SORBS2: variants seen among roughly 807,000 people sequenced by gnomAD.
SORBS2 encodes sorbin and SH3 domain containing 2, also known as sorbin and SH3 domain-containing protein 2.
SORBS2 carries 46 observed loss-of-function variants against 97.7 expected under a neutral mutation model. The ratio of observed to expected loss-of-function variants is 0.47; its 90% CI spans 0.37 to 0.60. The LOEUF (loss-of-function observed/expected upper bound fraction) is 0.60, where lower values mean the gene tolerates loss of function less well. SORBS2 is among the 20% of genes least tolerant of loss of function. The pLI, the probability that SORBS2 is intolerant of heterozygous loss-of-function variation, is 0.00. For missense variants in SORBS2, 1,316 were observed against 1,282.3 expected, an observed-to-expected ratio of 1.03 and a Z score of -0.40; for synonymous variants, 476 against 473.4, an observed-to-expected ratio of 1.01 and a Z score of -0.07.
At chr4:185,646,260 A>T (rs1356024875) in intron 4 of SORBS2, 1 of 153,912 alleles carries the variant, frequency 6.5e-6, no homozygotes, top group Non-Finnish European at 1.4e-5. Flanking sequence ...GATAGCAATT[A>T]AGTATTGCAC....
chr4:185,712,935 C>A (rs1160761736), intron 2 of SORBS2, among the ~76,000 whole-genome samples: 15 of 152,208 alleles, frequency 9.9e-5, no homozygotes, highest in Admixed American at 9.8e-4. Flanking sequence ...CCACCTAACA[C>A]CTTAGTCTAG....
intron 2 of SORBS2, chr4:185,771,746 C>T (rs1377122029): frequency 6.6e-6 from 1 of 152,138 alleles, no homozygotes; most frequent in Non-Finnish European, 1.5e-5. Context: ...CAAAGATAGC[C>T]TAAATCTTTA....
chr4:185,835,773 CAT>C (rs1422237554), intron 1 of SORBS2, among the ~76,000 whole-genome samples: 2 of 150,896 alleles, frequency 1.3e-5, no homozygotes, highest in Non-Finnish European at 2.9e-5. Context: ...AGCCAACACT[CAT>C]AGTTTTGAAA....
chr4:185,589,718 T>C lies in SORBS2; in HGVS notation c.2914A>G (p.Ile972Val), dbSNP rs978285060. 2.5e-6 allele frequency: 4 copies of C among 1,612,892 alleles called. No homozygotes were observed. The South Asian group carries it at 3.3e-5, about 13-fold the overall frequency. Residue 972 changes from isoleucine (I) to valine (V), a missense_variant, in exon 14 of 15, where the codon ATT (isoleucine) becomes GTT (valine). Ile to Val is a conservative substitution (Grantham distance 29, BLOSUM62 3). Transcript: ENST00000418609. ...TCATCACACTTTTCCATGACATCAA[T>C]GACATCACTTTCTCTGAGCTCCAGC...
At chr4:185,602,992 C>G (rs2096301227) in intron 12 of SORBS2, among the ~76,000 whole-genome samples, 1 of 152,196 alleles carries the variant, frequency 6.6e-6, no homozygotes. Flanking sequence ...TCAGAAGTAT[C>G]TCATGTGGTC....
At chr4:185,830,087 C>T (rs1195395387) in intron 1 of SORBS2, among the ~76,000 whole-genome samples, 2 of 152,130 alleles carry the variant, frequency 1.3e-5, no homozygotes, top group Non-Finnish European at 2.9e-5. Flanking sequence ...CAGTTGTAAT[C>T]GCATGCCATT....
chr4:185,776,398 A>G (rs1224141452), intron 1 of SORBS2, among the ~76,000 whole-genome samples: 1 of 152,204 alleles, frequency 6.6e-6, no homozygotes, highest in Admixed American at 6.5e-5. Context: ...CCATTGAGTC[A>G]TTGTGCCTTT....
At chr4:185,794,725 G>A in intron 1 of SORBS2, among the ~76,000 whole-genome samples, 1 of 152,086 alleles carries the variant, frequency 6.6e-6, no homozygotes, top group East Asian at 1.9e-4. Context: ...AGCAGGCTGG[G>A]GACTCGGTGG....
intron 1 of SORBS2, among the ~76,000 whole-genome samples, chr4:185,880,893 T>C (rs1456355673): frequency 6.6e-6 from 1 of 152,046 alleles, no homozygotes; most frequent in Non-Finnish European, 1.5e-5. Flanking sequence ...GTGGTAGGCA[T>C]AAGCAGGATG....
chr4:185,897,845 T>C (rs934716020), intron 1 of SORBS2, among the ~76,000 whole-genome samples: 1 of 151,906 alleles, frequency 6.6e-6, no homozygotes, highest in Non-Finnish European at 1.5e-5. Flanking sequence ...AAGACCAGCC[T>C]GGCCAACATG....
chr4:185,777,941 ATAGAT>A (rs574706201), intron 1 of SORBS2, among the ~76,000 whole-genome samples: 1 of 152,336 alleles, frequency 6.6e-6, no homozygotes, highest in South Asian at 2.1e-4. Context: ...ACAAATAAAA[ATAGAT>A]TAATGTTGTC....
chr4:185,907,244 G>A (rs1457108725), intron 1 of SORBS2, among the ~76,000 whole-genome samples: 1 of 152,104 alleles, frequency 6.6e-6, no homozygotes, highest in Non-Finnish European at 1.5e-5. Flanking sequence ...AATAGAGGAT[G>A]TTCGGCCAAA....
intron 1 of SORBS2, among the ~76,000 whole-genome samples, chr4:185,861,381 G>A (rs928652485): frequency 1.3e-4 from 20 of 152,048 alleles, no homozygotes; most frequent in African/African-American, 3.9e-4. Flanking sequence ...ATGAGCATAC[G>A]GAATGTGTGA....
At chr4:185,767,506 A>C (rs2098943088) in intron 2 of SORBS2, among the ~76,000 whole-genome samples, 1 of 146,338 alleles carries the variant, frequency 6.8e-6, no homozygotes, top group Admixed American at 6.8e-5. Context: ...TCTCAAAAAA[A>C]AAAAAAAAAA....
chr4:185,652,237 C>T (rs1395754055), intron 2 of SORBS2, among the ~76,000 whole-genome samples: 1 of 152,216 alleles, frequency 6.6e-6, no homozygotes, highest in African/African-American at 2.4e-5. Context: ...AACCTCTCTG[C>T]TCTGGATCGC....
At chr4:185,778,962 A>G (rs2153632552) in intron 1 of SORBS2, among the ~76,000 whole-genome samples, 1 of 152,328 alleles carries the variant, frequency 6.6e-6, no homozygotes, top group Admixed American at 6.5e-5. Flanking sequence ...GTGTGTCTGA[A>G]TAACCTCATT....
chr4:185,925,288 C>T (rs1178341581), intron 1 of SORBS2, among the ~76,000 whole-genome samples: 1 of 152,128 alleles, frequency 6.6e-6, no homozygotes, highest in Non-Finnish European at 1.5e-5. Context: ...ACATGTACAG[C>T]TGGGTTTAAA....
At chr4:185,749,191 C>G (rs2098784074) in intron 2 of SORBS2, among the ~76,000 whole-genome samples, 3 of 152,156 alleles carry the variant, frequency 2.0e-5, no homozygotes, top group Non-Finnish European at 4.4e-5. Flanking sequence ...TCCAAGCCAT[C>G]TGGGAGGGAG....
Position 185,678,829 on chromosome 4 carries a change from G to GA in SORBS2, c.-197-8dup, listed in dbSNP as rs199574755. 7.1e-4 allele frequency: 1,004 copies of GA among 1,405,710 alleles called. No individual in the cohort carries two copies. The highest frequency in any genetic ancestry group is 1.2e-3 in the South Asian group (76 of 63,766). The allele number at this position is 1,405,710 out of a possible 1,614,324, so 87.1% of individuals were successfully genotyped here. On this transcript the variant is annotated splice_polypyrimidine_tract_variant and splice_region_variant and intron_variant, in intron 2 of 20. Coordinates refer to the SORBS2 transcript ENST00000284776. ...GGTGACTGAGAATCACGCCCTGAAA[G>GA]AAAAAAAAATGTTGAAATTAAGACT...
Sources: allele counts gnomAD v4.1 joint callset (sites outside exome capture counted in the v4.1 genomes callset), GRCh38; gene constraint gnomAD v4.1.1; transcripts MANE v1.5; gene names NCBI Gene and HGNC (gene_info 2026-07-23, HGNC 2026-07-21).